Variants in CMIP observed in about 807,000 individuals in gnomAD.
The protein encoded by CMIP is c-Maf inducing protein.
In CMIP, 13 loss-of-function variants were observed where a neutral mutation model predicts 97.3. The ratio of observed to expected loss-of-function variants is 0.13; its 90% CI spans 0.09 to 0.21. The LOEUF (loss-of-function observed/expected upper bound fraction) is 0.21, where lower values mean the gene tolerates loss of function less well. Ranked by LOEUF, CMIP falls within the 10% of genes least tolerant of loss-of-function variation. CMIP has a pLI of 1.00. For synonymous variants in CMIP, 538 were observed against 436.3 expected (o/e 1.23, Z -2.91); for missense variants, 847 against 1,024.9 (o/e 0.83, Z 2.37).
In CMIP at chr16:81,453,131, G is replaced by C. The variant is rs748540489; in HGVS notation, c.300+7590G>C. Among the ~76,000 whole-genome samples, 8 of 152,196 alleles carry C rather than the reference G, an allele frequency of 5.3e-5. No individual in the cohort carries two copies. ...AAGTGTGTCGGCAAAGACCCTTGCA[G>C]CTGGCTCAGCAGCCCACCTGGGATT... On this transcript the variant is annotated intron_variant, in intron 1 of 20. Transcript: ENST00000537098. This position sits in a 1 kb window ranked among gnomAD's most constrained non-coding sequence, Gnocchi z 4.0.
intron 1 of CMIP, among the ~76,000 whole-genome samples, chr16:81,481,724 A>C (rs2089226309): frequency 6.6e-6 from 1 of 152,118 alleles, no homozygotes; most frequent in African/African-American, 2.4e-5. Flanking sequence ...CGTAGGGGCT[A>C]AAGTTGAGGT....
At chr16:81,458,845 AATACATGGAATT>A (rs1350320676) in intron 1 of CMIP, among the ~76,000 whole-genome samples, 4 of 152,204 alleles carry the variant, frequency 2.6e-5, no homozygotes, top group African/African-American at 9.7e-5. Context: ...TAAAGGGGAG[AATACATGGAATT>A]CTGAGAATAA....
chr16:81,638,593 C>T (rs1250271739), intron 3 of CMIP, among the ~76,000 whole-genome samples: 1 of 152,122 alleles, frequency 6.6e-6, no homozygotes, highest in African/African-American at 2.4e-5. Context: ...CCCCTTGTCC[C>T]TTTCCTCTCC....
chr16:81,487,867 C>A (rs963278253), intron 1 of CMIP, among the ~76,000 whole-genome samples: 6 of 152,150 alleles, frequency 3.9e-5, no homozygotes, highest in African/African-American at 1.4e-4. Flanking sequence ...CCCCTATCAA[C>A]AAACAAAAAG....
intron 5 of CMIP, among the ~76,000 whole-genome samples, chr16:81,658,725 C>T (rs780211486): frequency 7.2e-5 from 11 of 152,222 alleles, no homozygotes; most frequent in Non-Finnish European, 1.6e-4. Flanking sequence ...GAGAAGCAGG[C>T]GGATGGGAGA....
chr16:81,696,269 C>T (rs1028734270), intron 13 of CMIP: 1 of 495,878 alleles, frequency 2.0e-6, no homozygotes, highest in Non-Finnish European at 3.6e-6. Flanking sequence ...CCTGCTGCAG[C>T]CACAGGCCCG....
At chr16:81,484,526 C>T (rs2089285289) in intron 1 of CMIP, among the ~76,000 whole-genome samples, 1 of 152,204 alleles carries the variant, frequency 6.6e-6, no homozygotes, top group Non-Finnish European at 1.5e-5. Flanking sequence ...CCGCCCAGTA[C>T]AAGCATCTCC....
chr16:81,668,858 T>TTCCACACCCACCTCACACTGCCC (rs2092641383), intron 7 of CMIP, among the ~76,000 whole-genome samples: 1 of 136,026 alleles, frequency 7.4e-6, no homozygotes, highest in African/African-American at 2.9e-5. Flanking sequence ...ACTCACTGCC[T>TTCCACACCCACCTCACACTGCCC]TCCACACCCA....
intron 2 of CMIP, among the ~76,000 whole-genome samples, chr16:81,618,156 T>A (rs2091945600): frequency 6.6e-6 from 1 of 152,196 alleles, no homozygotes; most frequent in African/African-American, 2.4e-5. Context: ...AACACAGATT[T>A]AGTCTCTTAT....
intron 7 of CMIP, among the ~76,000 whole-genome samples, chr16:81,668,570 C>T (rs535852375): frequency 2.8e-4 from 42 of 152,270 alleles, no homozygotes; most frequent in Non-Finnish European, 5.0e-4. Context: ...GTCCCTGTGT[C>T]CTTGACCTGG....
rs556984096 is a variant in CMIP at position 81,475,998 on chromosome 16, A to G, written c.300+30457A>G. On this transcript the variant is annotated intron_variant, in intron 1 of 20. Coordinates refer to ENST00000537098, the MANE Select transcript of CMIP (RefSeq NM_198390.3). ...TGAGACTCCTTCTCAAAAAAAAAAAAAAAAGATAAAACATAAGTCAAACTT... is the reference window on the plus strand; with the variant it reads ...TGAGACTCCTTCTCAAAAAAAAAAAGAAAAGATAAAACATAAGTCAAACTT... 3 of 569,086 alleles carry G rather than the reference A, an allele frequency of 5.3e-6. No individual in the cohort carries two copies. In the African/African-American group the frequency reaches 5.8e-5, roughly 11 times the overall value. 35.3% of individuals were successfully genotyped at this position (569,086 alleles called of 1,614,324 possible).
At chr16:81,463,106 C>A (rs1319447873) in intron 1 of CMIP, among the ~76,000 whole-genome samples, 2 of 152,166 alleles carry the variant, frequency 1.3e-5, no homozygotes, top group African/African-American at 4.8e-5. Flanking sequence ...GAGTGCAGGT[C>A]TAATGGGCTC....
At chr16:81,604,375 G>A (rs1026588040) in intron 1 of CMIP, among the ~76,000 whole-genome samples, 2 of 126,370 alleles carry the variant, frequency 1.6e-5, no homozygotes, top group African/African-American at 6.3e-5. Flanking sequence ...CAGTCGGGGT[G>A]ACAAGAGCAA....
chr16:81,578,994 C>G (rs1043071938), intron 1 of CMIP, among the ~76,000 whole-genome samples: 5 of 152,242 alleles, frequency 3.3e-5, no homozygotes, highest in Admixed American at 2.6e-4. Flanking sequence ...AGTTCCAGAT[C>G]TAGCTCAGCT....
chr16:81,695,774 T>C (rs1490400541), intron 13 of CMIP: 1 of 152,684 alleles, frequency 6.5e-6, no homozygotes, highest in Non-Finnish European at 1.5e-5. Flanking sequence ...CACACAGCTC[T>C]GGGAAGGAAT....
chr16:81,673,801 G>A (rs1252665034), intron 9 of CMIP, among the ~76,000 whole-genome samples: 1 of 152,212 alleles, frequency 6.6e-6, no homozygotes, highest in Non-Finnish European at 1.5e-5. Context: ...GTGACATGCA[G>A]AACACAGTGG....
At chr16:81,510,199 A>G (rs1437619555) in intron 1 of CMIP, among the ~76,000 whole-genome samples, 3 of 152,102 alleles carry the variant, frequency 2.0e-5, no homozygotes, top group African/African-American at 7.2e-5. Flanking sequence ...ATAGTTCTCA[A>G]GGTCTGATCG....
intron 3 of CMIP, chr16:81,651,384 C>T (rs2092427135): frequency 2.1e-6 from 2 of 975,400 alleles, no homozygotes; most frequent in African/African-American, 3.5e-5. Flanking sequence ...GCAGCAGCCC[C>T]TGTCCCAACC....
At chr16:81,540,432 A>T (rs951352398) in intron 1 of CMIP, among the ~76,000 whole-genome samples, 3 of 152,018 alleles carry the variant, frequency 2.0e-5, no homozygotes, top group African/African-American at 7.3e-5. Context: ...CCTCCCGAGT[A>T]GCTGAGACTA....
Sources: allele counts gnomAD v4.1 joint callset (sites outside exome capture counted in the v4.1 genomes callset), GRCh38; gene constraint gnomAD v4.1.1; non-coding constraint Gnocchi (gnomAD v3.1); transcripts MANE v1.5; gene names NCBI Gene and HGNC (gene_info 2026-07-23, HGNC 2026-07-21).